NDE1: variants seen among roughly 807,000 people sequenced by gnomAD.
NDE1 encodes nuclear distribution protein nudE homolog 1.
NDE1 carries 28 observed loss-of-function variants against 43.4 expected under a neutral mutation model. The ratio of observed to expected loss-of-function variants is 0.65; its 90% CI spans 0.48 to 0.89. The LOEUF is 0.89. Among genes scored for constraint, NDE1 ranks in the 40% least tolerant of loss-of-function variants. NDE1 has a pLI of 0.00. For synonymous variants in NDE1, 184 were observed against 172.0 expected (o/e 1.07, Z -0.55); for missense variants, 441 against 434.1 (o/e 1.02, Z -0.14).
At chr16:15,717,579 G>A in intron 8 of NDE1, 1 of 594,820 alleles carries the variant, frequency 1.7e-6, no homozygotes, top group South Asian at 2.0e-5. Flanking sequence ...TAAATCACTT[G>A]AGCTCAGGAG....
chr16:15,712,486 A>G (rs949971217), intron 8 of NDE1, among the ~76,000 whole-genome samples: 2 of 152,058 alleles, frequency 1.3e-5, no homozygotes, highest in Non-Finnish European at 2.9e-5. Context: ...CATCTCTACT[A>G]AAAATATAAA....
At chr16:15,658,915 C>T (rs1370206391) in intron 1 of NDE1, among the ~76,000 whole-genome samples, 1 of 152,160 alleles carries the variant, frequency 6.6e-6, no homozygotes, top group East Asian at 1.9e-4. Flanking sequence ...CCTCAGCTTC[C>T]CAAAGTGTTG....
At chr16:15,645,714 A>T (rs1422538616), upstream of NDE1, among the ~76,000 whole-genome samples, 3 of 152,212 alleles carry the variant, frequency 2.0e-5, no homozygotes, top group African/African-American at 4.8e-5. Flanking sequence ...AACTTTAGAG[A>T]GTACAAGTAA....
chr16:15,677,823 C>T lies in NDE1; in HGVS notation c.260C>T (p.Ser87Phe). The stretch of plus-strand genomic sequence containing the variant: ...CAGGAGAAGTTTGAAGTGCAGCACT[C>T]TGAAGGCTACCGGCAGATCTCAGCC... Reference protein sequence around the residue: ...TIKEKFEVQHSEGYRQISALE... With the variant: ...TIKEKFEVQHFEGYRQISALE... Residue 87 changes from serine to phenylalanine, a missense_variant, in exon 4 of 9, where the codon TCT becomes TTT. Coordinates refer to ENST00000396354, the MANE Select transcript of NDE1 (RefSeq NM_017668.3). The T allele has an allele frequency of 6.2e-7, 1 of 1,614,112 alleles. No homozygotes were observed. The highest frequency in any genetic ancestry group is 8.5e-7 in the Non-Finnish European group (1 of 1,180,024).
intron 1 of NDE1, among the ~76,000 whole-genome samples, chr16:15,660,500 C>T (rs1320243647): frequency 3.3e-5 from 5 of 152,130 alleles, no homozygotes; most frequent in African/African-American, 1.2e-4. Context: ...TCCCTCACCT[C>T]TGCTGTGAAA....
intron 4 of NDE1, among the ~76,000 whole-genome samples, chr16:15,679,562 G>A (rs2038068239): frequency 6.6e-6 from 1 of 152,048 alleles, no homozygotes; most frequent in Non-Finnish European, 1.5e-5. Flanking sequence ...TTTAGATGTA[G>A]GATTTGTGTT....
At chr16:15,712,609 T>C (rs11859586) in intron 8 of NDE1, among the ~76,000 whole-genome samples, 1,785 of 152,158 alleles carry the variant, frequency 0.012, 40 homozygotes, top group African/African-American at 0.041. Flanking sequence ...GAGAACTAAG[T>C]TGATACCCTG....
chr16:15,683,548 A>G (rs565833187), intron 4 of NDE1, among the ~76,000 whole-genome samples: 12 of 152,018 alleles, frequency 7.9e-5, no homozygotes, highest in African/African-American at 2.2e-4. Flanking sequence ...GGGTTTCGCC[A>G]TGTTAGCCAA....
chr16:15,666,890 C>A (rs1361550065), intron 2 of NDE1, among the ~76,000 whole-genome samples: 1 of 152,184 alleles, frequency 6.6e-6, no homozygotes, highest in African/African-American at 2.4e-5. Flanking sequence ...GTACCCAGCC[C>A]TTCCTACTTT....
chr16:15,643,555 AC>A (rs146418251), exon 1 of NDE1: 3,611 of 324,396 alleles, frequency 0.011, 141 homozygotes, highest in African/African-American at 0.08. Context: ...TCAATGAAAA[AC>A]CCTGTCCCTT....
At chr16:15,655,916 G>A (rs1016295874) in intron 1 of NDE1, among the ~76,000 whole-genome samples, 6 of 148,050 alleles carry the variant, frequency 4.1e-5, no homozygotes, top group African/African-American at 1.5e-4. Context: ...ACTCATAGGT[G>A]GGAATTGAAC....
At chr16:15,693,342 T>A (rs1469248587) in intron 6 of NDE1, among the ~76,000 whole-genome samples, 1 of 152,142 alleles carries the variant, frequency 6.6e-6, no homozygotes, top group African/African-American at 2.4e-5. Context: ...CATGTGCTGC[T>A]GGTGCATGGA....
At chr16:15,646,043 A>T (rs776751430), upstream of NDE1, among the ~76,000 whole-genome samples, 33 of 152,256 alleles carry the variant, frequency 2.2e-4, no homozygotes, top group Non-Finnish European at 3.4e-4. Flanking sequence ...GGTTTTACCC[A>T]ATGACAAACC....
chr16:15,691,089 T>C (rs1337374815), intron 5 of NDE1, 55 bp from the exon 6 acceptor site: 9 of 1,610,814 alleles, frequency 5.6e-6, no homozygotes, highest in Non-Finnish European at 7.6e-6. Flanking sequence ...ATTATAAACA[T>C]GAGCCACTGC....
intron 7 of NDE1, 96 bp downstream of exon 7, chr16:15,694,352 T>G: frequency 5.8e-6 from 9 of 1,550,642 alleles, no homozygotes; most frequent in Non-Finnish European, 7.8e-6. Context: ...CTTCTTTTTT[T>G]CTTTTTTTTT....
chr16:15,714,607 G>T, intron 8 of NDE1: 1 of 531,292 alleles, frequency 1.9e-6, no homozygotes, highest in East Asian at 3.3e-5. Flanking sequence ...TGCAATGAAG[G>T]AGGGGCTGGA....
At chr16:15,718,246 G>A (rs1209364917) in intron 8 of NDE1, 7 of 1,601,510 alleles carry the variant, frequency 4.4e-6, no homozygotes, top group Middle Eastern at 3.5e-4. Flanking sequence ...CGCGTGTGTT[G>A]ACTGGTGCAG....
chr16:15,653,745 T>C (rs1427078925), intron 1 of NDE1, among the ~76,000 whole-genome samples: 1 of 151,692 alleles, frequency 6.6e-6, no homozygotes, highest in Non-Finnish European at 1.5e-5. Flanking sequence ...TTTTTTTTTT[T>C]GAGACGGGTT....
At chr16:15,723,722 C>T (rs1229602971) in intron 8 of NDE1, among the ~76,000 whole-genome samples, 2 of 152,066 alleles carry the variant, frequency 1.3e-5, no homozygotes, top group African/African-American at 2.4e-5. Context: ...AGGTGTTCAC[C>T]GTACAATTCT....
Sources: gnomAD v4.1 joint callset for allele counts (sites outside exome capture counted in the v4.1 genomes callset) on GRCh38, gnomAD v4.1.1 for gene constraint, MANE v1.5 for transcripts, NCBI Gene and HGNC (gene_info 2026-07-23, HGNC 2026-07-21) for gene names.